The following UGT8 variants were observed in gnomAD, a reference collection of about 807,000 sequenced individuals.
UGT8 encodes 2-hydroxyacylsphingosine 1-beta-galactosyltransferase.
UGT8 carries 12 observed loss-of-function variants against 40.5 expected under a neutral mutation model. That is an observed-to-expected ratio of 0.30 (90% CI 0.19 to 0.48). The LOEUF is 0.48. Ranked by LOEUF, UGT8 falls within the 20% of genes least tolerant of loss-of-function variation. UGT8 has a pLI of 0.99. For synonymous variants in UGT8, 224 were observed against 240.4 expected (o/e 0.93, Z 0.63); for missense variants, 513 against 648.7 (o/e 0.79, Z 2.27).
At chr4:114,644,489 T>C (rs1264226362) in intron 2 of UGT8, among the ~76,000 whole-genome samples, 2 of 152,144 alleles carry the variant, frequency 1.3e-5, no homozygotes, top group Admixed American at 1.3e-4. Flanking sequence ...TTTTAGCATA[T>C]CACATTGAAA....
intron 2 of UGT8, among the ~76,000 whole-genome samples, chr4:114,648,664 G>C (rs1253955019): frequency 2.0e-5 from 3 of 152,142 alleles, no homozygotes; most frequent in Non-Finnish European, 4.4e-5. Flanking sequence ...GGAAAGAAAA[G>C]AATGACCAGC....
chr4:114,644,396 T>C (rs955548521), intron 2 of UGT8, among the ~76,000 whole-genome samples: 1 of 152,218 alleles, frequency 6.6e-6, no homozygotes, highest in African/African-American at 2.4e-5. Context: ...TCAGGTAAAC[T>C]GATCTGTTTC....
Position 114,623,394 on chromosome 4 carries a change from G to A in UGT8, c.514G>A (p.Ala172Thr). 2.4e-5 allele frequency: 38 copies of A among 1,614,168 alleles called. No individual in the cohort carries two copies. Among genetic ancestry groups the A allele is most frequent in the Non-Finnish European group, 3.2e-5 (38 of 1,180,018 alleles). The change falls in exon 2 of 6, where the codon GCT becomes ACT. Residue 172 changes from alanine to threonine, a missense_variant. Ala to Thr is a moderately conservative substitution (Grantham distance 58). Transcript: ENST00000310836. ...LWYPAEVGAP[A>T]PLAYVPEFNS... The stretch of plus-strand genomic sequence containing the variant: ...GTATCCTGCTGAAGTGGGTGCTCCT[G>A]CTCCATTAGCATACGTCCCAGAGTT...
chr4:114,651,741 T>C (rs1733907385), intron 2 of UGT8, among the ~76,000 whole-genome samples: 1 of 152,132 alleles, frequency 6.6e-6, no homozygotes, highest in African/African-American at 2.4e-5. Flanking sequence ...ATCCAAAATA[T>C]ACCTGAAATA....
At chr4:114,620,575 T>G (rs1426535230) in intron 1 of UGT8, among the ~76,000 whole-genome samples, 1 of 152,218 alleles carries the variant, frequency 6.6e-6, no homozygotes. Flanking sequence ...TCTCCAAAGT[T>G]AATTATTTTT....
At chr4:114,669,214 G>A (rs1735079894) in intron 5 of UGT8, among the ~76,000 whole-genome samples, 1 of 152,134 alleles carries the variant, frequency 6.6e-6, no homozygotes, top group Non-Finnish European at 1.5e-5. Context: ...TGTGAGCTCA[G>A]GGGTGACCTT....
intron 4 of UGT8, among the ~76,000 whole-genome samples, chr4:114,666,447 T>G (rs1734885464): frequency 6.6e-6 from 1 of 152,154 alleles, no homozygotes; most frequent in Non-Finnish European, 1.5e-5. Context: ...TTTATGTATA[T>G]AATTTATTTT....
chr4:114,612,231 G>A (rs1380999762), intron 1 of UGT8, among the ~76,000 whole-genome samples: 2 of 151,874 alleles, frequency 1.3e-5, no homozygotes, highest in Non-Finnish European at 2.9e-5. Context: ...AAAAAAACAG[G>A]GTTGAATTAG....
chr4:114,614,679 A>G (rs1013905806), intron 1 of UGT8, among the ~76,000 whole-genome samples: 11 of 152,078 alleles, frequency 7.2e-5, no homozygotes, highest in South Asian at 2.1e-4. Flanking sequence ...GGGCTTCTAT[A>G]CAAATAAATA....
intron 2 of UGT8, among the ~76,000 whole-genome samples, chr4:114,657,324 G>A (rs1413498737): frequency 6.6e-6 from 1 of 151,990 alleles, no homozygotes; most frequent in African/African-American, 2.4e-5. Flanking sequence ...AATTAATCAA[G>A]CTCACAATGA....
At chr4:114,631,454 G>A (rs540527924) in intron 2 of UGT8, among the ~76,000 whole-genome samples, 2 of 152,160 alleles carry the variant, frequency 1.3e-5, no homozygotes, top group Non-Finnish European at 2.9e-5. Flanking sequence ...GCCACTGCAC[G>A]CCAGCCTGGG....
In UGT8 at chr4:114,638,833, C is replaced by A. The variant is rs185434057; in HGVS notation, c.822+15131C>A. The stretch of plus-strand genomic sequence containing the variant: ...GTGGCCCATTTATACTCAGGCCTGA[C>A]TGGTATTTTTACATATCTCTTACTG... On this transcript the variant is annotated intron_variant, in intron 2 of 5. Transcript: ENST00000310836. Among the ~76,000 whole-genome samples the A allele has an allele frequency of 1.7e-3, 266 of 152,288 alleles. 2 individuals are homozygous for A. The highest frequency in any genetic ancestry group is 3.4e-3 in the Middle Eastern group (1 of 294).
intron 1 of UGT8, among the ~76,000 whole-genome samples, chr4:114,615,907 G>GA (rs970830808): frequency 2.0e-5 from 3 of 151,918 alleles, no homozygotes; most frequent in Admixed American, 2.0e-4. Flanking sequence ...AGAGGCTGCA[G>GA]AACAGCGGAT....
chr4:114,673,095 A>G (rs1735402303), intron 5 of UGT8, among the ~76,000 whole-genome samples: 1 of 152,218 alleles, frequency 6.6e-6, no homozygotes, highest in Admixed American at 6.5e-5. Flanking sequence ...GCCCCTTACA[A>G]GGTAATTGTT....
intron 2 of UGT8, among the ~76,000 whole-genome samples, chr4:114,658,682 G>A (rs1026093194): frequency 1.2e-4 from 18 of 149,100 alleles, no homozygotes; most frequent in African/African-American, 4.4e-4. Flanking sequence ...GCATTGGGAT[G>A]TGTTTTACAT....
chr4:114,614,941 C>T (rs1362318181), intron 1 of UGT8, among the ~76,000 whole-genome samples: 3 of 148,170 alleles, frequency 2.0e-5, no homozygotes, highest in Non-Finnish European at 4.5e-5. Context: ...TCAGTATGTT[C>T]CCATTCTAGT....
intron 2 of UGT8, among the ~76,000 whole-genome samples, chr4:114,649,380 G>C (rs766405037): frequency 6.6e-6 from 1 of 151,986 alleles, no homozygotes; most frequent in Admixed American, 6.6e-5. Flanking sequence ...TTGTGGTTGC[G>C]TCAATTAAGA....
At chr4:114,653,970 A>C (rs924431358) in intron 2 of UGT8, among the ~76,000 whole-genome samples, 3 of 152,088 alleles carry the variant, frequency 2.0e-5, no homozygotes, top group African/African-American at 7.2e-5. Flanking sequence ...TATTGATGAA[A>C]TGAATATGCA....
intron 1 of UGT8, among the ~76,000 whole-genome samples, chr4:114,600,730 T>C (rs1487450327): frequency 2.6e-5 from 4 of 152,166 alleles, no homozygotes; most frequent in Non-Finnish European, 5.9e-5. Flanking sequence ...TAATATTATA[T>C]GGTAAAGGAG....
Sources: allele counts gnomAD v4.1 joint callset (sites outside exome capture counted in the v4.1 genomes callset), GRCh38; gene constraint gnomAD v4.1.1; transcripts MANE v1.5; gene names NCBI Gene and HGNC (gene_info 2026-07-23, HGNC 2026-07-21).